SAP18: variants seen among roughly 807,000 people sequenced by gnomAD.
SAP18 encodes histone deacetylase complex subunit SAP18.
In SAP18, 4 loss-of-function variants were observed where a neutral mutation model predicts 18.6. That is an observed-to-expected ratio of 0.21 (90% CI 0.11 to 0.49). SAP18 has a LOEUF of 0.49. Ranked by LOEUF, SAP18 falls within the 20% of genes least tolerant of loss-of-function variation. The probability of loss-of-function intolerance (pLI) is 0.98; values close to 1 mark genes in which losing one functional copy is unlikely to be tolerated. For missense variants in SAP18, 170 were observed against 226.4 expected, an observed-to-expected ratio of 0.75 and a Z score of 1.60; for synonymous variants, 112 against 82.8, an observed-to-expected ratio of 1.35 and a Z score of -1.92.
chr13:21,142,100 A>G (rs951059070), intron 2 of SAP18, among the ~76,000 whole-genome samples: 1 of 150,034 alleles, frequency 6.7e-6, no homozygotes, highest in Non-Finnish European at 1.5e-5. Flanking sequence ...CAGTCTGGCC[A>G]GCGTGATGAA....
Position 21,146,788 on chromosome 13 carries a change from T to C in SAP18, c.240-17T>C. On this transcript the variant is annotated splice_polypyrimidine_tract_variant and intron_variant, in intron 2 of 3. Coordinates refer to ENST00000621421, the Ensembl canonical transcript of SAP18. ...ATTAATAAGCAAATGTAAATGTCTT[T>C]TTTAAAAAAAATCCAGGATGGATGC... 6.4e-7 allele frequency: 1 copy of C among 1,573,880 alleles called. No individual in the cohort carries two copies. The highest frequency in any genetic ancestry group is 1.2e-5 in the South Asian group (1 of 85,368).
At chr13:21,148,333 A>G (rs1364400801) in exon 4 of SAP18, 1 of 152,220 alleles carries the variant, frequency 6.6e-6, no homozygotes, top group African/African-American at 2.4e-5. Flanking sequence ...GAGAAACAAT[A>G]AATACTGATT....
exon 4 of SAP18, chr13:21,147,194 A>G: frequency 6.2e-7 from 1 of 1,612,852 alleles, no homozygotes; most frequent in African/African-American, 1.3e-5. Context: ...AGAGTTAAGG[A>G]GATTGGCAGC....
At chr13:21,141,213 G>A (rs546682843) in intron 2 of SAP18, 1 of 577,020 alleles carries the variant, frequency 1.7e-6, no homozygotes, top group Non-Finnish European at 3.1e-6. Flanking sequence ...CAACTTTTGG[G>A]CGGTTAAGAA....
chr13:21,140,898 T>C, exon 2 of SAP18: 1 of 1,613,754 alleles, frequency 6.2e-7, no homozygotes, highest in Non-Finnish European at 8.5e-7. Flanking sequence ...ATGCCCACTG[T>C]TGCTACGGGT....
At chr13:21,143,087 T>C (rs1292834194) in intron 2 of SAP18, among the ~76,000 whole-genome samples, 3 of 152,222 alleles carry the variant, frequency 2.0e-5, no homozygotes, top group Non-Finnish European at 4.4e-5. Flanking sequence ...CATATTTCAT[T>C]GTATGTGTGC....
At chr13:21,144,266 A>G (rs1448086377) in intron 2 of SAP18, among the ~76,000 whole-genome samples, 5 of 152,064 alleles carry the variant, frequency 3.3e-5, no homozygotes, top group Non-Finnish European at 4.4e-5. Context: ...TTAGCCAGGC[A>G]TGGTGGCGGG....
intron 2 of SAP18, chr13:21,141,565 C>T (rs1869463968): frequency 6.3e-6 from 1 of 159,158 alleles, no homozygotes; most frequent in Admixed American, 6.0e-5. Context: ...CTACAAACTA[C>T]TGTGGGCTTG....
exon 1 of SAP18, chr13:21,140,555 G>T: frequency 6.3e-7 from 1 of 1,589,954 alleles, no homozygotes. Flanking sequence ...TAGTGCTCAT[G>T]CTCGCTGCAG....
At chr13:21,140,434 G>T (rs1403538829), upstream of SAP18, 21 of 1,183,178 alleles carry the variant, frequency 1.8e-5, no homozygotes, top group Non-Finnish European at 5.8e-6. Context: ...GTCGCAACAC[G>T]CAGGCGCGCT....
Position 21,140,804 on chromosome 13 carries a change from C to T in SAP18, c.130-82C>T, listed in dbSNP as rs536159279. ...TGGTCTCGGGGAGGCTCGGAGGCCG[C>T]AACGCCTCGGGAAGAGAGATGAGCT... On this transcript the variant is annotated intron_variant, in intron 1 of 3. Coordinates refer to ENST00000621421, the Ensembl canonical transcript of SAP18. The T allele has an allele frequency of 3.7e-4, 581 of 1,572,530 alleles. 6 individuals are homozygous for T. The East Asian group carries it at 0.012, about 33-fold the overall frequency.
At chr13:21,140,918 C>T (rs1281901069) in exon 2 of SAP18, 10 of 1,613,808 alleles carry the variant, frequency 6.2e-6, no homozygotes, top group South Asian at 1.1e-5. Flanking sequence ...TCTTCACCAC[C>T]AATAACGGCC....
exon 4 of SAP18, chr13:21,147,216 C>T: frequency 6.2e-7 from 1 of 1,613,520 alleles, no homozygotes; most frequent in Admixed American, 1.7e-5. Flanking sequence ...CCATGTCTGG[C>T]AGAAAGGGGA....
intron 2 of SAP18, chr13:21,141,306 C>G (rs747664501): frequency 2.3e-5 from 9 of 387,200 alleles, no homozygotes; most frequent in Admixed American, 8.1e-5. Flanking sequence ...AGTATCTGCC[C>G]TAAAGGGACT....
Position 21,147,416 on chromosome 13 carries a change from A to C in SAP18, c.*74A>C, listed in dbSNP as rs930943774. On this transcript the variant is annotated 3_prime_UTR_variant, in exon 4 of 4. Transcript: ENST00000621421. ...TAAACATACTCTTCTTCCTCCCCTG[A>C]TTATTGCCATTAAGCCTTTAAATTC... 25 of 1,306,192 alleles carry C rather than the reference A, an allele frequency of 1.9e-5. No homozygotes were observed. The African/African-American group carries it at 3.3e-4, about 17-fold the overall frequency. 80.9% of individuals were successfully genotyped at this position (1,306,192 alleles called of 1,614,324 possible). A position where few individuals can be genotyped will look rare whatever the true frequency, so the allele number is the denominator to read the frequency against.
chr13:21,140,533 T>G lies in SAP18; in HGVS notation c.-20T>G, dbSNP rs1404823175. On this transcript the variant is annotated 5_prime_UTR_variant, in exon 1 of 4. Coordinates refer to ENST00000621421, the Ensembl canonical transcript of SAP18. ...CGACTATAAAGTGTCGAGCTTCTCC[T>G]CGCGAGAGACTTAGTGCTCATGCTC... 1.9e-6 allele frequency: 3 copies of G among 1,566,038 alleles called. No homozygotes were observed. The African/African-American group carries it at 4.1e-5, about 21-fold the overall frequency.
At chr13:21,143,726 T>C (rs1869548707) in intron 2 of SAP18, among the ~76,000 whole-genome samples, 1 of 152,090 alleles carries the variant, frequency 6.6e-6, no homozygotes, top group South Asian at 2.1e-4. Flanking sequence ...TCCACAGACC[T>C]TCCACTCTGA....
At chr13:21,140,457 C>T (rs1220583769), upstream of SAP18, 1 of 1,387,116 alleles carries the variant, frequency 7.2e-7, no homozygotes, top group Non-Finnish European at 9.6e-7. Flanking sequence ...GGCTCGCTCA[C>T]CACGCACGGA....
upstream of SAP18, chr13:21,140,506 G>T (rs752852568): frequency 6.5e-7 from 1 of 1,539,474 alleles, no homozygotes; most frequent in East Asian, 2.5e-5. Context: ...CCAGCCCCTG[G>T]CCGACTATAA....
Sources: allele counts gnomAD v4.1 joint callset (sites outside exome capture counted in the v4.1 genomes callset), GRCh38; gene constraint gnomAD v4.1.1; transcripts MANE v1.5; gene names NCBI Gene and HGNC (gene_info 2026-07-23, HGNC 2026-07-21).